ITSN2: variants seen among roughly 807,000 people sequenced by gnomAD.
ITSN2 encodes the protein intersectin-2.
Under a neutral mutation model 243.7 loss-of-function variants are expected in ITSN2, and 156 were observed. That is an observed-to-expected ratio of 0.64 (90% CI 0.56 to 0.73). The LOEUF is 0.73. Ranked by LOEUF, ITSN2 falls within the 30% of genes least tolerant of loss-of-function variation. The pLI, the probability that ITSN2 is intolerant of heterozygous loss-of-function variation, is 0.00. For missense variants in ITSN2, 1,801 were observed against 1,996.1 expected (o/e 0.90, Z 1.86); for synonymous variants, 703 against 699.9 (o/e 1.00, Z -0.07).
At chr2:24,335,985 T>C (rs900172293) in intron 1 of ITSN2, among the ~76,000 whole-genome samples, 1 of 148,888 alleles carries the variant, frequency 6.7e-6, no homozygotes, top group African/African-American at 2.5e-5. Flanking sequence ...CTCAAGCCTG[T>C]AATCCCAGCA....
At chr2:24,276,258 TATC>T (rs1678002935) in intron 17 of ITSN2, among the ~76,000 whole-genome samples, 2 of 152,258 alleles carry the variant, frequency 1.3e-5, no homozygotes, top group South Asian at 2.1e-4. Flanking sequence ...TTTTATCCAA[TATC>T]ATCTTGAACT....
intron 18 of ITSN2, 99 bp from the exon 19 acceptor site, chr2:24,272,040 G>A: frequency 1.0e-6 from 1 of 1,000,224 alleles, no homozygotes; most frequent in Non-Finnish European, 1.4e-6. Context: ...TGAAGAACTA[G>A]CAATGAAGTA....
chr2:24,337,315 A>AATATATATATATACATATATAT (rs1278959952), intron 1 of ITSN2, among the ~76,000 whole-genome samples: 6 of 32,026 alleles, frequency 1.9e-4, no homozygotes, highest in Non-Finnish European at 1.1e-4. Context: ...GTATACACAA[A>AATATATATATATACATATATAT]ATATATATAT....
At chr2:24,359,335 C>G (rs1299499228) in intron 1 of ITSN2, among the ~76,000 whole-genome samples, 1 of 152,216 alleles carries the variant, frequency 6.6e-6, no homozygotes, top group Non-Finnish European at 1.5e-5. Context: ...CAAGTCACAC[C>G]TTGCCTATTT....
Position 24,251,194 on chromosome 2 carries a change from G to A in ITSN2, c.3120+1151C>T, listed in dbSNP as rs370865574. ...ACAAAAATTAGCCAGGCATGGTAGCGGATGGCTGTAATCCCAGCTATTCAA... is the reference window on the plus strand; with the variant it reads ...ACAAAAATTAGCCAGGCATGGTAGCAGATGGCTGTAATCCCAGCTATTCAA... On this transcript the variant is annotated intron_variant, in intron 25 of 39. Transcript: ENST00000355123. Among the ~76,000 whole-genome samples, 22 of 148,726 alleles carry A rather than the reference G, an allele frequency of 1.5e-4. No individual in the cohort carries two copies. The East Asian group carries it at 2.6e-3, about 17-fold the overall frequency.
In ITSN2 at chr2:24,246,223, A is replaced by G. The variant is rs759483200; in HGVS notation, c.3483T>C (p.Asp1161=). The part of the protein sequence containing the change: ...GQLINVMNKD[D]PDWWQGEING... ...TGATCTCTCCTTGCCACCAATCAGG[A>G]TCATCTTTGTTCATAACATTAATGA... is the stretch of plus-strand genomic sequence containing the variant. Residue 1161 remains aspartate, a synonymous_variant, in exon 29 of 40, where the codon GAT becomes GAC. Coordinates refer to ENST00000355123, the MANE Select transcript of ITSN2 (RefSeq NM_006277.3). The G allele has an allele frequency of 6.2e-7, 1 of 1,613,316 alleles. No homozygotes were observed. Among genetic ancestry groups the G allele is most frequent in the South Asian group, 1.1e-5 (1 of 91,048 alleles).
At chr2:24,288,704 T>A in intron 15 of ITSN2, among the ~76,000 whole-genome samples, 1 of 152,184 alleles carries the variant, frequency 6.6e-6, no homozygotes, top group Non-Finnish European at 1.5e-5. Flanking sequence ...CTTAGCAACT[T>A]TAAAGAATAC....
Position 24,310,710 on chromosome 2 carries a change from C to T in ITSN2, c.353-18G>A, listed in dbSNP as rs750965793. 3.4e-5 allele frequency: 54 copies of T among 1,606,730 alleles called. No individual in the cohort carries two copies. Among genetic ancestry groups the T allele is most frequent in the Admixed American group, 1.0e-4 (6 of 59,544 alleles). ...TCCCATTCCTAAAGTCAAAAGAAAA[C>T]ATTTTTTCCAGTGCTAGAAAATCAA... On this transcript the variant is annotated intron_variant, in intron 5 of 39. Transcript: ENST00000355123.
At chr2:24,269,133 T>C (rs1359755492) in intron 20 of ITSN2, among the ~76,000 whole-genome samples, 2 of 152,028 alleles carry the variant, frequency 1.3e-5, no homozygotes, top group African/African-American at 4.8e-5. Context: ...AGTGTCCATG[T>C]TTCTCAGGAA....
intron 25 of ITSN2, 71 bp from the exon 26 acceptor site, chr2:24,248,953 G>T: frequency 7.1e-7 from 1 of 1,400,622 alleles, no homozygotes; most frequent in Non-Finnish European, 1.0e-6. Context: ...AAGGTTAATG[G>T]GAATTAGAGA....
chr2:24,229,074 TAAAAAAACAACTAAC>T (rs1312565213), intron 29 of ITSN2, among the ~76,000 whole-genome samples: 1 of 1,514 alleles, frequency 6.6e-4, no homozygotes, highest in East Asian at 0.021. Context: ...AAGTGTAAAA[TAAAAAAACAACTAAC>T]AGGAAAGCCT....
intron 29 of ITSN2, among the ~76,000 whole-genome samples, chr2:24,237,568 C>A (rs1457402057): frequency 6.6e-6 from 1 of 152,142 alleles, no homozygotes; most frequent in Non-Finnish European, 1.5e-5. Flanking sequence ...ATGTGGACAT[C>A]CCATAGGTGC....
intron 1 of ITSN2, among the ~76,000 whole-genome samples, chr2:24,337,331 T>TATATATATATATATATATAC (rs1686529495): frequency 3.3e-4 from 1 of 3,064 alleles, no homozygotes; most frequent in Non-Finnish European, 7.4e-4. Flanking sequence ...TATATATATA[T>TATATATATATATATATATAC]ATATATATAT....
intron 1 of ITSN2, among the ~76,000 whole-genome samples, chr2:24,349,356 CT>C (rs1687835255): frequency 6.6e-6 from 1 of 152,284 alleles, no homozygotes; most frequent in East Asian, 1.9e-4. Context: ...TTTACAAATT[CT>C]TTTCATCAAC....
intron 12 of ITSN2, 121 bp downstream of exon 12, chr2:24,299,788 G>T: frequency 1.3e-6 from 1 of 784,084 alleles, no homozygotes; most frequent in Non-Finnish European, 2.0e-6. Flanking sequence ...GGGTAAGAAT[G>T]AAATGATGCA....
chr2:24,284,593 C>T (rs1679227204), intron 17 of ITSN2, among the ~76,000 whole-genome samples, 170 bp downstream of exon 17: 1 of 152,014 alleles, frequency 6.6e-6, no homozygotes, highest in Non-Finnish European at 1.5e-5. Flanking sequence ...TAGACTCAAA[C>T]AGGCAGTCAG....
intron 1 of ITSN2, among the ~76,000 whole-genome samples, chr2:24,343,496 GTTCATT>G (rs1392910002): frequency 1.3e-5 from 2 of 151,978 alleles, no homozygotes; most frequent in Non-Finnish European, 2.9e-5. Context: ...TTCCCTTCAT[GTTCATT>G]TTAACAAATG....
intron 20 of ITSN2, among the ~76,000 whole-genome samples, chr2:24,269,564 G>A (rs1677095636): frequency 6.6e-6 from 1 of 152,136 alleles, no homozygotes. Context: ...CTGACCATGG[G>A]AGAGGTCTGT....
chr2:24,270,734 T>A lies in ITSN2; in HGVS notation c.2292A>T (p.Ala764=). The change falls in exon 20 of 40, where the codon GCA becomes GCT. Residue 764 remains alanine, a synonymous_variant. Transcript: ENST00000355123. ...GGTTCCTTGCTTCAAAGGGGTATAA[T>A]GCTCTATAATTCACCAAAACACTAG... ...ETASVLVNYR[A]LYPFEARNHD... 6.2e-7 allele frequency: 1 copy of A among 1,600,456 alleles called. No individual in the cohort carries two copies. The highest frequency in any genetic ancestry group is 8.6e-7 in the Non-Finnish European group (1 of 1,169,454).
Sources: allele counts gnomAD v4.1 joint callset (sites outside exome capture counted in the v4.1 genomes callset), GRCh38; gene constraint gnomAD v4.1.1; transcripts MANE v1.5; gene names NCBI Gene and HGNC (gene_info 2026-07-23, HGNC 2026-07-21).